RNF4: variants seen among roughly 807,000 people sequenced by gnomAD.
RNF4 encodes ring finger protein 4.
Under a neutral mutation model 24.3 loss-of-function variants are expected in RNF4, and 7 were observed. The ratio of observed to expected loss-of-function variants is 0.29; its 90% CI spans 0.16 to 0.54. The LOEUF is 0.54. RNF4 is among the 20% of genes least tolerant of loss of function. The pLI is 0.95. For synonymous variants in RNF4, 83 were observed against 84.3 expected, an observed-to-expected ratio of 0.98 and a Z score of 0.09; for missense variants, 209 against 248.5, an observed-to-expected ratio of 0.84 and a Z score of 1.07.
chr4:2,494,416 G>T (rs901769756), intron 2 of RNF4: 1 of 130,772 alleles, frequency 7.6e-6, no homozygotes, highest in Non-Finnish European at 1.6e-5. Flanking sequence ...TCACTCTGTC[G>T]CCCAGGCTGG....
At chr4:2,483,889 A>G (rs965823758) in intron 1 of RNF4, among the ~76,000 whole-genome samples, 3 of 151,282 alleles carry the variant, frequency 2.0e-5, no homozygotes, top group Non-Finnish European at 4.4e-5. Context: ...CTGGAGTGCA[A>G]TGGTGCGATC....
chr4:2,512,912 C>T lies in RNF4; in HGVS notation c.375-171C>T, dbSNP rs1340967904. 6.6e-6 allele frequency among the ~76,000 whole-genome samples: 1 copy of T among 152,182 alleles called. No individual in the cohort carries two copies. The highest frequency in any genetic ancestry group is 1.9e-4 in the East Asian group (1 of 5,196). Reference sequence around the variant, plus strand: ...GCACCTTCTCATGTTCACCCTCCCACATGCCCTTGGGGCAGTTGGCTTTCC... The same window carrying T: ...GCACCTTCTCATGTTCACCCTCCCATATGCCCTTGGGGCAGTTGGCTTTCC... On this transcript the variant is annotated intron_variant, in intron 6 of 7. Coordinates refer to ENST00000314289, the MANE Select transcript of RNF4 (RefSeq NM_002938.5). This position sits in a 1 kb window ranked among gnomAD's most constrained non-coding sequence, Gnocchi z 4.1.
chr4:2,475,777 A>G (rs979552641), intron 1 of RNF4, among the ~76,000 whole-genome samples: 2 of 152,138 alleles, frequency 1.3e-5, no homozygotes, highest in Non-Finnish European at 2.9e-5. Context: ...GAACCACTCT[A>G]TAAGATAGTT....
chr4:2,472,079 G>A (rs1342946848), intron 1 of RNF4, among the ~76,000 whole-genome samples: 1 of 152,166 alleles, frequency 6.6e-6, no homozygotes, highest in African/African-American at 2.4e-5. Flanking sequence ...AAAGGTCAAT[G>A]CCTGGCTTCA....
intron 1 of RNF4, among the ~76,000 whole-genome samples, chr4:2,483,053 G>A (rs1027727961): frequency 6.6e-6 from 1 of 152,136 alleles, no homozygotes; most frequent in Admixed American, 6.6e-5. Flanking sequence ...CTGTAAGAAG[G>A]GACATGCTCT....
chr4:2,479,322 G>A (rs1190172100), intron 1 of RNF4, among the ~76,000 whole-genome samples: 1 of 152,166 alleles, frequency 6.6e-6, no homozygotes, highest in African/African-American at 2.4e-5. Context: ...AAGACTTTGG[G>A]ACTGTGGGAA....
intron 1 of RNF4, among the ~76,000 whole-genome samples, chr4:2,477,610 T>C (rs1735119668): frequency 6.6e-6 from 1 of 151,938 alleles, no homozygotes. Flanking sequence ...CTGATGCTTT[T>C]ATAAGGGGGA....
intron 4 of RNF4, among the ~76,000 whole-genome samples, chr4:2,501,010 G>A (rs1735894541): frequency 1.3e-5 from 2 of 152,254 alleles, no homozygotes; most frequent in South Asian, 2.1e-4. Flanking sequence ...GAGTAGGTCT[G>A]TGTAACCTGA....
chr4:2,502,323 AT>A (rs1381028191), intron 4 of RNF4, among the ~76,000 whole-genome samples: 4 of 152,124 alleles, frequency 2.6e-5, no homozygotes, highest in Non-Finnish European at 4.4e-5. Context: ...ACAATGATTG[AT>A]TGGCTTTTGT....
Position 2,512,645 on chromosome 4 carries a change from C to T in RNF4, c.374+48C>T. 1 of 1,600,936 alleles carries T rather than the reference C, an allele frequency of 6.2e-7. No homozygotes were observed. Among genetic ancestry groups the T allele is most frequent in the Non-Finnish European group, 8.5e-7 (1 of 1,172,194 alleles). On this transcript the variant is annotated intron_variant, in intron 6 of 7. Transcript: ENST00000314289. The surrounding 1 kb of genome is among the most constrained non-coding windows in gnomAD (Gnocchi z 4.1). ...GCTGCCGCCATGCTAGGATGTGGGG[C>T]CAGGGCATGGGAATACTTTTCAGCA...
At chr4:2,489,305 A>G (rs1162799223) in intron 1 of RNF4, among the ~76,000 whole-genome samples, 6 of 152,190 alleles carry the variant, frequency 3.9e-5, no homozygotes, top group East Asian at 1.9e-4. Context: ...ACCCAGCATG[A>G]GCAGGCATGG....
chr4:2,487,121 G>C (rs936809300), intron 1 of RNF4, among the ~76,000 whole-genome samples: 1 of 152,156 alleles, frequency 6.6e-6, no homozygotes, highest in African/African-American at 2.4e-5. Flanking sequence ...TACCAGGTGA[G>C]GTGTTGCTTT....
intron 1 of RNF4, among the ~76,000 whole-genome samples, chr4:2,477,569 A>G (rs974379383): frequency 6.6e-6 from 1 of 152,128 alleles, no homozygotes; most frequent in African/African-American, 2.4e-5. Context: ...TGGACAACAG[A>G]GTAGACTTAA....
chr4:2,479,251 G>C (rs1320015079), intron 1 of RNF4, among the ~76,000 whole-genome samples: 4 of 152,218 alleles, frequency 2.6e-5, no homozygotes, highest in Non-Finnish European at 5.9e-5. Context: ...CTCATAGGTG[G>C]AAGGGACTTG....
At chr4:2,508,290 G>A (rs1195112665) in intron 4 of RNF4, among the ~76,000 whole-genome samples, 1 of 152,212 alleles carries the variant, frequency 6.6e-6, no homozygotes, top group African/African-American at 2.4e-5. Flanking sequence ...AGAGGCCCCA[G>A]AGCTTGTGTT....
chr4:2,495,436 A>G (rs1334429215), intron 2 of RNF4, among the ~76,000 whole-genome samples: 1 of 152,206 alleles, frequency 6.6e-6, no homozygotes, highest in Admixed American at 6.5e-5. Context: ...GTCTCTGCGC[A>G]GTACTTTACA....
In RNF4 at chr4:2,497,245, A is replaced by G. The variant is rs190252326; in HGVS notation, c.124+124A>G. The G allele has an allele frequency of 3.9e-5, 24 of 618,450 alleles. 1 individual carries two copies. In the Admixed American group the frequency reaches 7.5e-4, roughly 19 times the overall value. 38.3% of individuals were successfully genotyped at this position (618,450 alleles called of 1,614,324 possible). A position where few individuals can be genotyped will look rare whatever the true frequency, so the allele number is the denominator to read the frequency against. ...AGGCCTATGCAGTCTCACACTCACC[A>G]TGTACAACTCAAAGCTTCACAGATT... On this transcript the variant is annotated intron_variant, in intron 3 of 7. Coordinates refer to ENST00000314289, the MANE Select transcript of RNF4 (RefSeq NM_002938.5).
Position 2,515,324 on chromosome 4 carries a change from A to G in RNF4, c.*1505A>G, listed in dbSNP as rs1389514754. 6.6e-6 allele frequency: 1 copy of G among 152,618 alleles called. No homozygotes were observed. Among genetic ancestry groups the G allele is most frequent in the Non-Finnish European group, 1.5e-5 (1 of 68,026 alleles). The allele number at this position is 152,618 out of a possible 1,614,324, so 9.5% of individuals were successfully genotyped here. On this transcript the variant is annotated 3_prime_UTR_variant, in exon 8 of 8. Transcript: ENST00000314289. ...TGAAAAGAAAATTGTTTTATTCTTCATTCTGACTTTTTAACTGTTTGGCTC... is the reference window on the plus strand; with the variant it reads ...TGAAAAGAAAATTGTTTTATTCTTCGTTCTGACTTTTTAACTGTTTGGCTC...
Position 2,495,644 on chromosome 4 carries a change from G to GGA in RNF4, c.10-1362_10-1361insAG, listed in dbSNP as rs992802597. Among the ~76,000 whole-genome samples, 14 of 148,788 alleles carry GGA rather than the reference G, an allele frequency of 9.4e-5. No individual in the cohort carries two copies. The East Asian group carries it at 1.2e-3, about 13-fold the overall frequency. On this transcript the variant is annotated intron_variant, in intron 2 of 7. Transcript: ENST00000314289. ...TTGGGAAGCTCTTTTTTTTTTGGGG[G>GGA]GGGGTGAGATGGAGATTTACTCTTG...
Sources: gnomAD v4.1 joint callset for allele counts (sites outside exome capture counted in the v4.1 genomes callset) on GRCh38, gnomAD v4.1.1 for gene constraint, Gnocchi (gnomAD v3.1) non-coding constraint, MANE v1.5 for transcripts, NCBI Gene and HGNC (gene_info 2026-07-23, HGNC 2026-07-21) for gene names.